The following PCDH15 variants were observed in gnomAD, a reference collection of about 807,000 sequenced individuals.
PCDH15 encodes the protein protocadherin-15.
PCDH15 carries 129 observed loss-of-function variants against 178.5 expected under a neutral mutation model. The observed-to-expected ratio is 0.72, with a 90% CI of 0.63 to 0.84. PCDH15 has a LOEUF of 0.84. PCDH15 is among the 40% of genes least tolerant of loss of function. The pLI, the probability that PCDH15 is intolerant of heterozygous loss-of-function variation, is 0.00. For synonymous variants in PCDH15, 800 were observed against 732.0 expected (o/e 1.09, Z -1.50); for missense variants, 2,230 against 2,099.9 (o/e 1.06, Z -1.21).
At chr10:54,214,956 A>AT (rs1188644011) in intron 9 of PCDH15, among the ~76,000 whole-genome samples, 2 of 152,168 alleles carry the variant, frequency 1.3e-5, no homozygotes, top group African/African-American at 4.8e-5. Context: ...ATGTCTTCTA[A>AT]TTGTATAATC....
chr10:55,249,399 T>C (rs1841773199), intron 1 of PCDH15, among the ~76,000 whole-genome samples: 1 of 152,208 alleles, frequency 6.6e-6, no homozygotes, highest in African/African-American at 2.4e-5. Flanking sequence ...GCTGTTCATC[T>C]ACCTATATGT....
At chr10:54,726,076 G>C (rs990523978) in intron 1 of PCDH15, among the ~76,000 whole-genome samples, 48 of 151,350 alleles carry the variant, frequency 3.2e-4, no homozygotes, top group Non-Finnish European at 5.9e-5. Context: ...TAGAATAAGA[G>C]CTTTACATTT....
intron 20 of PCDH15, among the ~76,000 whole-genome samples, chr10:53,997,389 T>C (rs181669644): frequency 1.3e-5 from 2 of 152,202 alleles, no homozygotes; most frequent in Admixed American, 1.3e-4. Context: ...ATTAACTTAA[T>C]AAGTGGATGT....
rs549425529 is a variant in PCDH15 at position 55,070,234 on chromosome 10, T to G, written c.-80+96342A>C. Among the ~76,000 whole-genome samples, 44 of 152,312 alleles carry G rather than the reference T, an allele frequency of 2.9e-4. No homozygotes were observed. The East Asian group carries it at 8.3e-3, about 29-fold the overall frequency. ...TTTCTTCCATTCTGTAGGTTACCTG[T>G]TCACTCTGATGGTAGTTTCTTTTGC... On this transcript the variant is annotated intron_variant, in intron 2 of 5. Transcript: ENST00000458638.
intron 5 of PCDH15, among the ~76,000 whole-genome samples, chr10:54,366,336 C>G (rs777443131): frequency 9.9e-5 from 15 of 151,982 alleles, no homozygotes; most frequent in Non-Finnish European, 1.8e-4. Flanking sequence ...ACATTTAGAT[C>G]TTTCTTAATT....
intron 2 of PCDH15, among the ~76,000 whole-genome samples, chr10:55,582,024 A>G (rs531638727): frequency 1.4e-4 from 22 of 152,282 alleles, no homozygotes; most frequent in Admixed American, 1.4e-3. Flanking sequence ...TAATTGGGGA[A>G]TCCTGATCAC....
chr10:54,099,110 TAA>T (rs1270522514), intron 15 of PCDH15, among the ~76,000 whole-genome samples: 2 of 152,066 alleles, frequency 1.3e-5, no homozygotes, highest in African/African-American at 4.8e-5. Flanking sequence ...TGTAAAATAA[TAA>T]AGTTATCCGG....
At chr10:55,585,351 C>A (rs1842705731) in intron 2 of PCDH15, among the ~76,000 whole-genome samples, 1 of 152,074 alleles carries the variant, frequency 6.6e-6, no homozygotes, top group Non-Finnish European at 1.5e-5. Context: ...TCATTAGATG[C>A]CAAACTTCTG....
chr10:55,279,464 G>T (rs1174660576), intron 1 of PCDH15, among the ~76,000 whole-genome samples: 1 of 152,126 alleles, frequency 6.6e-6, no homozygotes, highest in Admixed American at 6.6e-5. Flanking sequence ...TGTTCTCTCA[G>T]GATTGCTTAC....
At chr10:54,509,369 C>T (rs2081443618) in intron 3 of PCDH15, among the ~76,000 whole-genome samples, 1 of 152,074 alleles carries the variant, frequency 6.6e-6, no homozygotes, top group South Asian at 2.1e-4. Flanking sequence ...CTCATTTTCT[C>T]TCTTGTCTGC....
chr10:54,099,392 C>T (rs959081801), intron 15 of PCDH15, among the ~76,000 whole-genome samples: 6 of 149,208 alleles, frequency 4.0e-5, no homozygotes, highest in East Asian at 4.0e-4. Context: ...CCCAGCTACT[C>T]GGGAGGCTGA....
chr10:54,515,846 CGCTGTTCTGCAGCCACT>C (rs2082158568), intron 3 of PCDH15, among the ~76,000 whole-genome samples: 1 of 152,154 alleles, frequency 6.6e-6, no homozygotes, highest in African/African-American at 2.4e-5. Context: ...CTACAGCCAC[CGCTGTTCTGCAGCCACT>C]GCTGCTGATA....
intron 27 of PCDH15, among the ~76,000 whole-genome samples, chr10:53,864,717 A>G (rs1409997501): frequency 3.9e-5 from 6 of 152,104 alleles, no homozygotes; most frequent in South Asian, 4.2e-4. Context: ...CCGAGGTTGC[A>G]GTGTTGCAGT....
intron 27 of PCDH15, among the ~76,000 whole-genome samples, chr10:53,864,389 G>A (rs762193318): frequency 2.0e-4 from 30 of 152,232 alleles, no homozygotes; most frequent in Non-Finnish European, 4.0e-4. Context: ...AGTAACAAAG[G>A]ATCAAAGGCT....
At chr10:54,156,130 A>G (rs2045114217) in intron 13 of PCDH15, among the ~76,000 whole-genome samples, 1 of 152,196 alleles carries the variant, frequency 6.6e-6, no homozygotes, top group Admixed American at 6.5e-5. Context: ...AAACATTGTG[A>G]TATCTAAAAG....
intron 8 of PCDH15, among the ~76,000 whole-genome samples, chr10:54,288,395 T>C (rs2132924336): frequency 6.6e-6 from 1 of 152,196 alleles, no homozygotes; most frequent in Non-Finnish European, 1.5e-5. Flanking sequence ...AGAGACTAGA[T>C]TGTCCAATGA....
At chr10:54,870,159 C>T (rs888582299) in intron 3 of PCDH15, among the ~76,000 whole-genome samples, 1 of 152,168 alleles carries the variant, frequency 6.6e-6, no homozygotes, top group Non-Finnish European at 1.5e-5. Context: ...TAAGGAAAAT[C>T]AGAAAGAGCT....
intron 2 of PCDH15, among the ~76,000 whole-genome samples, chr10:55,073,785 T>A (rs1841810233): frequency 6.6e-6 from 1 of 152,158 alleles, no homozygotes; most frequent in Non-Finnish European, 1.5e-5. Flanking sequence ...GTAGGCTTTT[T>A]TGGGGGGGAG....
chr10:55,215,384 G>C (rs1238276566), intron 1 of PCDH15, among the ~76,000 whole-genome samples: 1 of 152,006 alleles, frequency 6.6e-6, no homozygotes. Flanking sequence ...TGTACAGTGG[G>C]CAGTATTCTG....
Sources: allele counts gnomAD v4.1 joint callset (sites outside exome capture counted in the v4.1 genomes callset), GRCh38; gene constraint gnomAD v4.1.1; transcripts MANE v1.5; gene names NCBI Gene and HGNC (gene_info 2026-07-23, HGNC 2026-07-21).